GRIN2A: variants seen among roughly 807,000 people sequenced by gnomAD.
GRIN2A encodes the protein glutamate ionotropic receptor NMDA type subunit 2A.
In GRIN2A, 22 loss-of-function variants were observed where a neutral mutation model predicts 113.4. The ratio of observed to expected loss-of-function variants is 0.19; its 90% CI spans 0.14 to 0.28. The LOEUF (loss-of-function observed/expected upper bound fraction) is 0.28. Among genes scored for constraint, GRIN2A ranks in the 10% least tolerant of loss-of-function variants. GRIN2A has a pLI of 1.00. For missense variants in GRIN2A, 1,502 were observed against 1,887.0 expected, an observed-to-expected ratio of 0.80 and a Z score of 3.78; for synonymous variants, 827 against 738.4, an observed-to-expected ratio of 1.12 and a Z score of -1.94.
intron 2 of GRIN2A, among the ~76,000 whole-genome samples, chr16:10,126,207 G>A (rs1462347355): frequency 1.3e-5 from 2 of 150,900 alleles, no homozygotes; most frequent in East Asian, 3.9e-4. Context: ...CTGTCGCCCA[G>A]GCTGGAATGC....
At chr16:10,160,344 T>A (rs1207357001) in intron 2 of GRIN2A, among the ~76,000 whole-genome samples, 1 of 152,152 alleles carries the variant, frequency 6.6e-6, no homozygotes, top group Non-Finnish European at 1.5e-5. Context: ...ACAGCACAAG[T>A]GGGCGTGGAC....
intron 10 of GRIN2A, among the ~76,000 whole-genome samples, chr16:9,811,616 C>T (rs1049726059): frequency 3.3e-5 from 5 of 152,238 alleles, no homozygotes; most frequent in Admixed American, 6.5e-5. Flanking sequence ...AAAAATTAGC[C>T]AGACATGGTG....
intron 3 of GRIN2A, among the ~76,000 whole-genome samples, chr16:9,930,721 T>C (rs533507341): frequency 6.6e-6 from 1 of 152,322 alleles, no homozygotes; most frequent in East Asian, 1.9e-4. Flanking sequence ...GGCATTTCTA[T>C]TGGCATTACA....
intron 2 of GRIN2A, among the ~76,000 whole-genome samples, chr16:10,042,936 G>C (rs888938820): frequency 4.6e-5 from 7 of 152,188 alleles, no homozygotes; most frequent in African/African-American, 1.7e-4. Context: ...GTGGATTCTT[G>C]TTGATACCAC....
At chr16:9,914,717 A>G (rs1311055861) in intron 3 of GRIN2A, among the ~76,000 whole-genome samples, 1 of 152,056 alleles carries the variant, frequency 6.6e-6, no homozygotes, top group Admixed American at 6.5e-5. Flanking sequence ...GAAACTTGCC[A>G]TTAAGGCTAT....
At chr16:10,117,791 A>C (rs906109252) in intron 2 of GRIN2A, among the ~76,000 whole-genome samples, 13 of 152,254 alleles carry the variant, frequency 8.5e-5, no homozygotes, top group Non-Finnish European at 1.6e-4. Flanking sequence ...TGTTAAGATA[A>C]AAAATACACA....
intron 3 of GRIN2A, among the ~76,000 whole-genome samples, chr16:9,906,224 T>C (rs1480206312): frequency 6.6e-6 from 1 of 152,174 alleles, no homozygotes; most frequent in East Asian, 1.9e-4. Context: ...ATCCCCACTG[T>C]CCAAAAATAA....
At chr16:9,901,957 T>C (rs1204845669) in intron 3 of GRIN2A, among the ~76,000 whole-genome samples, 3 of 152,172 alleles carry the variant, frequency 2.0e-5, no homozygotes, top group South Asian at 4.1e-4. Flanking sequence ...TAATATATGT[T>C]GAATGGTGTG....
At chr16:10,043,025 C>T (rs1455971634) in intron 2 of GRIN2A, among the ~76,000 whole-genome samples, 2 of 152,168 alleles carry the variant, frequency 1.3e-5, no homozygotes, top group African/African-American at 4.8e-5. Flanking sequence ...GTTTATACAT[C>T]GTATAATCTA....
At chr16:9,931,020 C>G (rs1158580860) in intron 3 of GRIN2A, among the ~76,000 whole-genome samples, 3 of 152,146 alleles carry the variant, frequency 2.0e-5, no homozygotes, top group African/African-American at 4.8e-5. Context: ...AATGGTCATG[C>G]CAGGTGTCAT....
intron 3 of GRIN2A, among the ~76,000 whole-genome samples, chr16:9,933,640 T>A (rs1226762114): frequency 6.6e-6 from 1 of 152,180 alleles, no homozygotes; most frequent in Non-Finnish European, 1.5e-5. Flanking sequence ...AACTCCAGAG[T>A]CCTGGGCTTC....
At chr16:10,132,070 G>A (rs768829991) in intron 2 of GRIN2A, among the ~76,000 whole-genome samples, 4 of 152,002 alleles carry the variant, frequency 2.6e-5, no homozygotes, top group Admixed American at 6.6e-5. Flanking sequence ...GGTGGCTCGC[G>A]CCTGTAATCC....
intron 7 of GRIN2A, among the ~76,000 whole-genome samples, chr16:9,835,398 C>T (rs746736608): frequency 5.3e-5 from 8 of 152,092 alleles, no homozygotes; most frequent in Non-Finnish European, 1.0e-4. Flanking sequence ...CCTTGTAACA[C>T]TCTAGAAAGG....
intron 2 of GRIN2A, among the ~76,000 whole-genome samples, chr16:10,015,252 C>CAAA (rs200124835): frequency 5.2e-5 from 1 of 19,314 alleles, no homozygotes; most frequent in African/African-American, 1.5e-4. Flanking sequence ...GACTTCATCT[C>CAAA]AAAAAAAAAA....
chr16:9,956,633 T>C (rs1459037304), intron 2 of GRIN2A, among the ~76,000 whole-genome samples: 1 of 152,238 alleles, frequency 6.6e-6, no homozygotes, highest in East Asian at 1.9e-4. Flanking sequence ...TCAAAGAGCT[T>C]ATGATCCAGA....
chr16:10,025,010 G>A lies in GRIN2A; in HGVS notation c.415-86459C>T, dbSNP rs939337959. ...TAAGTCATGGAAGAGTCAGAGAGGA[G>A]AGAAAAGAAGAGGGAAGGGAGGAAG... On this transcript the variant is annotated intron_variant, in intron 2 of 12. Transcript: ENST00000330684. Among the ~76,000 whole-genome samples the A allele has an allele frequency of 2.6e-5, 4 of 152,170 alleles. No homozygotes were observed. In the South Asian group the frequency reaches 8.3e-4, roughly 32 times the overall value.
chr16:9,840,569 C>G (rs2042655665), intron 7 of GRIN2A, 78 bp downstream of exon 7: 1 of 1,331,188 alleles, frequency 7.5e-7, no homozygotes, highest in Non-Finnish European at 1.1e-6. Context: ...AAGTTCCTTT[C>G]TGGTCCCATC....
At position 9,768,839 on chromosome 16, in the gene GRIN2A, C is replaced by G. The variant is rs746566593; in HGVS notation, c.2595+12G>C. ...CTTGCAGTGCAAGAAAGTAGCCACC[C>G]GGTGTACTGACCCTGCTGATGGAGA... is the stretch of plus-strand genomic sequence containing the variant. On this transcript the variant is annotated intron_variant, in intron 12 of 12. Coordinates refer to ENST00000330684, the MANE Select transcript of GRIN2A (RefSeq NM_001134407.3). The G allele has an allele frequency of 1.3e-6, 2 of 1,588,946 alleles. No individual in the cohort carries two copies. Among genetic ancestry groups the G allele is most frequent in the South Asian group, 2.2e-5 (2 of 90,576 alleles).
At chr16:10,150,668 T>C (rs1236520464) in intron 2 of GRIN2A, among the ~76,000 whole-genome samples, 3 of 145,056 alleles carry the variant, frequency 2.1e-5, no homozygotes, top group East Asian at 2.3e-4. Flanking sequence ...CTGCTGCCTA[T>C]ACTCCACACG....
Sources: allele counts gnomAD v4.1 joint callset (sites outside exome capture counted in the v4.1 genomes callset), GRCh38; gene constraint gnomAD v4.1.1; transcripts MANE v1.5; gene names NCBI Gene and HGNC (gene_info 2026-07-23, HGNC 2026-07-21).